Variants in GATB observed in about 807,000 individuals in gnomAD.
The protein encoded by GATB is glutamyl-tRNA amidotransferase subunit B.
GATB carries 39 observed loss-of-function variants against 62.3 expected under a neutral mutation model. The ratio of observed to expected loss-of-function variants is 0.63; its 90% confidence interval spans 0.48 to 0.82. GATB has a LOEUF of 0.82. Ranked by LOEUF, GATB falls within the 40% of genes least tolerant of loss-of-function variation. The pLI is 0.00. For synonymous variants in GATB, 276 were observed against 258.9 expected (o/e 1.07, Z -0.63); for missense variants, 670 against 684.0 (o/e 0.98, Z 0.23).
At chr4:151,760,385 C>T (rs1739926754) in intron 1 of GATB, among the ~76,000 whole-genome samples, 2 of 152,182 alleles carry the variant, frequency 1.3e-5, no homozygotes, top group Non-Finnish European at 1.5e-5. Flanking sequence ...TAACCCACCA[C>T]TACCAAGAGC....
chr4:151,717,405 G>T (rs1738936091), intron 3 of GATB: 2 of 283,528 alleles, frequency 7.1e-6, no homozygotes, highest in Non-Finnish European at 6.7e-6. Flanking sequence ...CCTAAGAAAA[G>T]AATTTATTGT....
chr4:151,699,758 C>G (rs1264303255), intron 9 of GATB, among the ~76,000 whole-genome samples: 3 of 151,034 alleles, frequency 2.0e-5, no homozygotes, highest in East Asian at 1.9e-4. Flanking sequence ...TTCTTTCACT[C>G]TCTTATGGAG....
intron 1 of GATB, among the ~76,000 whole-genome samples, chr4:151,759,476 A>G (rs1739905383): frequency 1.3e-5 from 2 of 152,212 alleles, no homozygotes; most frequent in Admixed American, 1.3e-4. Context: ...CACAGATACA[A>G]TAAATCACCA....
chr4:151,674,234 C>T (rs1378645472), intron 11 of GATB: 3 of 152,188 alleles, frequency 2.0e-5, no homozygotes, highest in Non-Finnish European at 4.4e-5. Flanking sequence ...TGTACGTGGC[C>T]TGACAATGAG....
At chr4:151,757,216 T>A (rs965912875) in intron 2 of GATB, among the ~76,000 whole-genome samples, 1 of 152,160 alleles carries the variant, frequency 6.6e-6, no homozygotes, top group African/African-American at 2.4e-5. Flanking sequence ...CACCTCCACA[T>A]CTATCTTCTC....
At chr4:151,736,454 A>G (rs924309974) in intron 2 of GATB, among the ~76,000 whole-genome samples, 5 of 152,170 alleles carry the variant, frequency 3.3e-5, no homozygotes, top group Middle Eastern at 3.2e-3. Flanking sequence ...ATGTAAATGT[A>G]TATGTATATT....
intron 2 of GATB, chr4:151,722,491 T>G: frequency 2.4e-6 from 1 of 412,624 alleles, no homozygotes; most frequent in South Asian, 3.8e-5. Context: ...CATCTTCAAT[T>G]TCATCTACCA....
rs897971971 is a variant in GATB at position 151,732,087 on chromosome 4, C to A, written c.328-12549G>T. 1.6e-3 allele frequency among the ~76,000 whole-genome samples: 236 copies of A among 145,354 alleles called. 2 individuals are homozygous for A. Among genetic ancestry groups the A allele is most frequent in the African/African-American group, 5.8e-3 (224 of 38,424 alleles). ...TCAGCCCCCGCCCGGCCAGCCGCCC[C>A]GTCCGGGAGGGAGGTGGGGGGAGCC... On this transcript the variant is annotated intron_variant, in intron 2 of 12. Coordinates refer to ENST00000263985, the MANE Select transcript of GATB (RefSeq NM_004564.3).
At chr4:151,746,137 C>G (rs1212679548) in intron 2 of GATB, among the ~76,000 whole-genome samples, 9 of 152,230 alleles carry the variant, frequency 5.9e-5, no homozygotes, top group Non-Finnish European at 1.2e-4. Flanking sequence ...TCTCCCCTTT[C>G]CCCTGCGTGG....
At chr4:151,707,287 A>G (rs918646386) in intron 6 of GATB, among the ~76,000 whole-genome samples, 1 of 152,100 alleles carries the variant, frequency 6.6e-6, no homozygotes, top group African/African-American at 2.4e-5. Flanking sequence ...CTTTGAATTC[A>G]ATGTAATTTT....
chr4:151,745,376 T>C (rs1739573638), intron 2 of GATB, among the ~76,000 whole-genome samples: 1 of 152,200 alleles, frequency 6.6e-6, no homozygotes, highest in Non-Finnish European at 1.5e-5. Context: ...CCTAGACTAG[T>C]CAAGGGTTTC....
At chr4:151,704,188 C>T (rs1482342419) in intron 7 of GATB, among the ~76,000 whole-genome samples, 1 of 151,482 alleles carries the variant, frequency 6.6e-6, no homozygotes, top group Non-Finnish European at 1.5e-5. Flanking sequence ...ATACAATGCT[C>T]AAAATTCTGA....
At position 151,712,167 on chromosome 4, in the gene GATB, A is replaced by G. The variant is rs185663928; in HGVS notation, c.763+3842T>C. Among the ~76,000 whole-genome samples, 13 of 152,364 alleles carry G rather than the reference A, an allele frequency of 8.5e-5. No homozygotes were observed. In the East Asian group the frequency reaches 2.5e-3, roughly 29 times the overall value. On this transcript the variant is annotated intron_variant, in intron 5 of 12. Transcript: ENST00000263985. ...TCCCAGAGAAGACTACACTCCATAAATACCTGAGAGGAATCATTTAGTATC... is the reference window on the plus strand; with the variant it reads ...TCCCAGAGAAGACTACACTCCATAAGTACCTGAGAGGAATCATTTAGTATC...
chr4:151,713,305 C>G (rs938946645), intron 5 of GATB, among the ~76,000 whole-genome samples: 11 of 152,240 alleles, frequency 7.2e-5, no homozygotes, highest in Non-Finnish European at 1.3e-4. Context: ...TTGAATCATC[C>G]TGAAACCACC....
At chr4:151,739,199 T>A (rs1739436265) in intron 2 of GATB, among the ~76,000 whole-genome samples, 1 of 152,206 alleles carries the variant, frequency 6.6e-6, no homozygotes, top group South Asian at 2.1e-4. Context: ...GAAGCACTAA[T>A]GCCTTTTGAT....
intron 11 of GATB, among the ~76,000 whole-genome samples, chr4:151,679,560 T>C (rs1483034058): frequency 6.6e-6 from 1 of 152,164 alleles, no homozygotes; most frequent in Non-Finnish European, 1.5e-5. Flanking sequence ...CAGGCGGAGA[T>C]GTTCAGGGCA....
chr4:151,729,771 C>CCCACACAAAACTCAAGGAATCTA, intron 2 of GATB, among the ~76,000 whole-genome samples: 1 of 152,188 alleles, frequency 6.6e-6, no homozygotes, highest in East Asian at 1.9e-4. Context: ...GTACAAGCCT[C>CCCACACAAAACTCAAGGAATCTA]CCACACAAAA....
At chr4:151,697,953 G>GTATATATATA (rs56231389) in intron 9 of GATB, among the ~76,000 whole-genome samples, 668 of 40,296 alleles carry the variant, frequency 0.017, 25 homozygotes, top group Non-Finnish European at 0.02. Flanking sequence ...GTGTGTGTGT[G>GTATATATATA]TATATATATA....
chr4:151,751,471 T>G (rs1394325679), intron 2 of GATB, among the ~76,000 whole-genome samples: 1 of 152,188 alleles, frequency 6.6e-6, no homozygotes, highest in Non-Finnish European at 1.5e-5. Flanking sequence ...AAAACCCATC[T>G]ACTGGCTTAA....
Sources: allele counts gnomAD v4.1 joint callset (sites outside exome capture counted in the v4.1 genomes callset), GRCh38; gene constraint gnomAD v4.1.1; transcripts MANE v1.5; gene names NCBI Gene and HGNC (gene_info 2026-07-23, HGNC 2026-07-21).